The following RYR2 variants were observed in gnomAD, a reference collection of about 807,000 sequenced individuals.
RYR2 encodes the protein cardiac muscle ryanodine receptor-calcium release channel.
RYR2 carries 227 observed loss-of-function variants against 601.1 expected under a neutral mutation model. The observed-to-expected ratio is 0.38, with a 90% confidence interval of 0.34 to 0.42. The LOEUF is 0.42. RYR2 is among the 10% of genes least tolerant of loss of function. RYR2 has a pLI of 1.00. For synonymous variants in RYR2, 2,223 were observed against 2,175.1 expected (o/e 1.02, Z -0.61); for missense variants, 4,646 against 6,156.5 (o/e 0.75, Z 8.21).
At chr1:237,460,778 T>C (rs1466099782) in intron 16 of RYR2, among the ~76,000 whole-genome samples, 1 of 152,190 alleles carries the variant, frequency 6.6e-6, no homozygotes, top group Non-Finnish European at 1.5e-5. Flanking sequence ...CTATTGTTAC[T>C]ATAAATATTA....
intron 17 of RYR2, among the ~76,000 whole-genome samples, chr1:237,473,427 C>T (rs12725730): frequency 0.39 from 35,409 of 90,138 alleles, 8,721 homozygotes; most frequent in East Asian, 0.57. Flanking sequence ...CCATCTCTCT[C>T]TCTCTCTTTC....
At chr1:237,255,929 G>A (rs77278513) in intron 1 of RYR2, among the ~76,000 whole-genome samples, 5,116 of 151,838 alleles carry the variant, frequency 0.034, 289 homozygotes, top group African/African-American at 0.12. Flanking sequence ...CCTGCCAAGG[G>A]GGACACAGGA....
At chr1:237,385,904 T>C (rs926829847) in intron 8 of RYR2, among the ~76,000 whole-genome samples, 3 of 152,246 alleles carry the variant, frequency 2.0e-5, no homozygotes, top group African/African-American at 7.2e-5. Context: ...AGCCCAAGAA[T>C]TTCACTGTGT....
chr1:237,212,596 C>T (rs1457562975), intron 1 of RYR2, among the ~76,000 whole-genome samples: 1 of 151,810 alleles, frequency 6.6e-6, no homozygotes, highest in African/African-American at 2.4e-5. Flanking sequence ...AGAGCAAGAC[C>T]CCTTTTGTTA....
chr1:237,396,856 T>C (rs1702900442), intron 10 of RYR2, among the ~76,000 whole-genome samples: 3 of 152,010 alleles, frequency 2.0e-5, no homozygotes, highest in South Asian at 2.1e-4. Context: ...CAGACTTAAA[T>C]ATGAAGCACA....
intron 13 of RYR2, among the ~76,000 whole-genome samples, chr1:237,443,107 C>T (rs1708055469): frequency 6.6e-6 from 1 of 152,158 alleles, no homozygotes. Context: ...CTACACTTCG[C>T]TTCTCAAGTG....
chr1:237,200,609 G>A (rs776340497), intron 1 of RYR2, among the ~76,000 whole-genome samples: 6 of 152,130 alleles, frequency 3.9e-5, no homozygotes, highest in Non-Finnish European at 8.8e-5. Context: ...ATACGAATCA[G>A]AAAATAAGTA....
At chr1:237,197,922 A>G (rs1184328846) in intron 1 of RYR2, among the ~76,000 whole-genome samples, 2 of 152,136 alleles carry the variant, frequency 1.3e-5, no homozygotes. Flanking sequence ...CTACTGAGGG[A>G]ACTGGTTTGA....
chr1:237,659,356 G>A (rs544413485), intron 54 of RYR2, among the ~76,000 whole-genome samples: 184 of 152,220 alleles, frequency 1.2e-3, no homozygotes, highest in Non-Finnish European at 1.9e-3. Context: ...TTACAGGAAG[G>A]TTTTCCAGTC....
At chr1:237,660,405 T>A (rs1032856299) in intron 55 of RYR2, among the ~76,000 whole-genome samples, 1 of 152,162 alleles carries the variant, frequency 6.6e-6, no homozygotes, top group African/African-American at 2.4e-5. Flanking sequence ...AAAGTAATAA[T>A]GTGCTTATTA....
At chr1:237,540,316 T>C (rs1460503820) in intron 25 of RYR2, among the ~76,000 whole-genome samples, 1 of 152,174 alleles carries the variant, frequency 6.6e-6, no homozygotes, top group Non-Finnish European at 1.5e-5. Context: ...TAAAATCCTG[T>C]CTGAATATTA....
At chr1:237,529,760 TACACACACAC>T (rs71561882) in intron 24 of RYR2, among the ~76,000 whole-genome samples, 137 of 134,594 alleles carry the variant, frequency 1.0e-3, no homozygotes, top group Non-Finnish European at 1.3e-3. Context: ...AATAATATCA[TACACACACAC>T]ACACACACAC....
chr1:237,800,639 C>T (rs1268557678), intron 97 of RYR2, among the ~76,000 whole-genome samples: 1 of 152,092 alleles, frequency 6.6e-6, no homozygotes, highest in Non-Finnish European at 1.5e-5. Flanking sequence ...TGTTATATTG[C>T]ATTATTTCAT....
chr1:237,492,940 A>G lies in RYR2; in HGVS notation c.1828-14A>G. The G allele has an allele frequency of 6.4e-7, 1 of 1,560,662 alleles. No homozygotes were observed. The highest frequency in any genetic ancestry group is 8.7e-7 in the Non-Finnish European group (1 of 1,150,450). ...AGGGAGGGAGGATCAGCTGAAAGTA[A>G]TTTCTCTTTTCAGGTTCTGGATGTC... On this transcript the variant is annotated splice_polypyrimidine_tract_variant and intron_variant, in intron 18 of 104. Coordinates refer to ENST00000366574, the MANE Select transcript of RYR2 (RefSeq NM_001035.3).
At chr1:237,687,221 ATGTT>A (rs1225309230) in intron 62 of RYR2, among the ~76,000 whole-genome samples, 8 of 151,770 alleles carry the variant, frequency 5.3e-5, no homozygotes, top group Non-Finnish European at 8.8e-5. Flanking sequence ...TTTTTTAACC[ATGTT>A]TGTTAAAGAG....
chr1:237,352,087 C>T (rs1234434136), intron 3 of RYR2, among the ~76,000 whole-genome samples: 1 of 151,788 alleles, frequency 6.6e-6, no homozygotes, highest in Non-Finnish European at 1.5e-5. Context: ...ATATTAAACA[C>T]CTATTCATTG....
chr1:237,763,083 C>T (rs1693558338), intron 84 of RYR2, among the ~76,000 whole-genome samples: 1 of 152,260 alleles, frequency 6.6e-6, no homozygotes, highest in East Asian at 1.9e-4. Flanking sequence ...TTTACATTTA[C>T]ACATCTAGCT....
rs184931535 is a variant in RYR2 at position 237,731,630 on chromosome 1, A to G, written c.10936-416A>G. 8.5e-5 allele frequency among the ~76,000 whole-genome samples: 13 copies of G among 152,296 alleles called. No individual in the cohort carries two copies. The East Asian group carries it at 2.3e-3, about 27-fold the overall frequency. On this transcript the variant is annotated intron_variant, in intron 77 of 104. Coordinates refer to ENST00000366574, the MANE Select transcript of RYR2 (RefSeq NM_001035.3). ...TACTTTGAGTTATGAAAATGCTTAT[A>G]AGAATGGCATTTGGTATTTTTAAAT...
intron 1 of RYR2, among the ~76,000 whole-genome samples, chr1:237,174,882 A>C (rs1310000401): frequency 6.6e-6 from 1 of 152,196 alleles, no homozygotes; most frequent in East Asian, 1.9e-4. Context: ...CCACATTAAC[A>C]AAAAAGTCCC....
Sources: allele counts gnomAD v4.1 joint callset (sites outside exome capture counted in the v4.1 genomes callset), GRCh38; gene constraint gnomAD v4.1.1; transcripts MANE v1.5; gene names NCBI Gene and HGNC (gene_info 2026-07-23, HGNC 2026-07-21).